Variants in AGMO observed in about 807,000 individuals in gnomAD.
The protein encoded by AGMO is glyceryl-ether monooxygenase.
A neutral mutation model predicts 60.2 loss-of-function variants in AGMO; 75 were observed. The ratio of observed to expected loss-of-function variants is 1.25; its 90% CI spans 1.03 to 1.51. The LOEUF (loss-of-function observed/expected upper bound fraction) is 1.51, where lower values mean the gene tolerates loss of function less well. Among genes scored for constraint, AGMO ranks in the 40% most tolerant of loss-of-function variants. The pLI, the probability that AGMO is intolerant of heterozygous loss-of-function variation, is 0.00. For missense variants in AGMO, 763 were observed against 525.5 expected (o/e 1.45, Z -4.42); for synonymous variants, 261 against 177.1 (o/e 1.47, Z -3.76).
intron 3 of AGMO, among the ~76,000 whole-genome samples, chr7:15,540,002 T>G (rs1784582078): frequency 6.6e-6 from 1 of 152,040 alleles, no homozygotes; most frequent in African/African-American, 2.4e-5. Flanking sequence ...CATTAGTAAC[T>G]TGAATAAGGA....
chr7:15,469,125 T>C (rs772503546), intron 3 of AGMO, among the ~76,000 whole-genome samples: 70 of 152,130 alleles, frequency 4.6e-4, no homozygotes, highest in Non-Finnish European at 5.3e-4. Flanking sequence ...TTGGTTTGTG[T>C]TGATAAGTTA....
At chr7:15,551,381 CCT>C (rs1366605054) in intron 2 of AGMO, among the ~76,000 whole-genome samples, 2 of 149,310 alleles carry the variant, frequency 1.3e-5, no homozygotes, top group South Asian at 4.3e-4. Context: ...TCAAATTGTC[CCT>C]GTTTGCAGAC....
At chr7:15,472,489 T>C (rs1782475144) in intron 3 of AGMO, among the ~76,000 whole-genome samples, 1 of 151,898 alleles carries the variant, frequency 6.6e-6, no homozygotes, top group Non-Finnish European at 1.5e-5. Flanking sequence ...CACAGTACTT[T>C]AGACCTGAAA....
At chr7:15,274,854 A>G (rs1583352332) in intron 12 of AGMO, among the ~76,000 whole-genome samples, 1 of 152,012 alleles carries the variant, frequency 6.6e-6, no homozygotes, top group Non-Finnish European at 1.5e-5. Context: ...AGATGTTTAT[A>G]ATAGTCTCTA....
At chr7:15,344,200 A>G (rs927783692) in intron 12 of AGMO, among the ~76,000 whole-genome samples, 1 of 152,322 alleles carries the variant, frequency 6.6e-6, no homozygotes, top group East Asian at 1.9e-4. Flanking sequence ...AAGGCACTCA[A>G]CAATATTTGT....
chr7:15,372,986 C>T (rs896107345), intron 10 of AGMO, among the ~76,000 whole-genome samples: 1 of 151,940 alleles, frequency 6.6e-6, no homozygotes, highest in African/African-American at 2.4e-5. Context: ...AGTTTCACTA[C>T]TGTGTGGTGG....
At chr7:15,466,348 A>C (rs889467487) in intron 3 of AGMO, among the ~76,000 whole-genome samples, 3 of 152,170 alleles carry the variant, frequency 2.0e-5, no homozygotes, top group African/African-American at 4.8e-5. Context: ...TGCTGCTCGT[A>C]AGCATTTTTT....
intron 6 of AGMO, among the ~76,000 whole-genome samples, chr7:15,391,551 A>C (rs12699710): frequency 0.27 from 41,244 of 152,072 alleles, 6,315 homozygotes; most frequent in Middle Eastern, 0.4. Context: ...TGTAAATCTT[A>C]AGAAAAAGAA....
intron 3 of AGMO, among the ~76,000 whole-genome samples, chr7:15,520,991 A>G (rs1462916354): frequency 6.6e-6 from 1 of 152,150 alleles, no homozygotes; most frequent in Admixed American, 6.5e-5. Context: ...AAACAGACAC[A>G]ATAAAAAAAT....
the AGMO span, among the ~76,000 whole-genome samples, chr7:15,185,369 G>C: frequency 6.6e-6 from 1 of 152,086 alleles, no homozygotes; most frequent in Non-Finnish European, 1.5e-5. Context: ...AGTACATTAG[G>C]TTTCAATTTT....
chr7:15,525,050 T>C (rs1229835896), intron 3 of AGMO, among the ~76,000 whole-genome samples: 1 of 152,070 alleles, frequency 6.6e-6, no homozygotes, highest in Non-Finnish European at 1.5e-5. Context: ...CCTTAAAAAC[T>C]GAATTCTTGG....
intron 12 of AGMO, among the ~76,000 whole-genome samples, chr7:15,315,615 C>T (rs1171186697): frequency 6.6e-6 from 1 of 152,000 alleles, no homozygotes; most frequent in Non-Finnish European, 1.5e-5. Context: ...AGCCACTGTG[C>T]CCAGCCATTT....
intron 12 of AGMO, 91 bp from the exon 13 acceptor site, chr7:15,201,450 T>G (rs1781278706): frequency 1.1e-6 from 1 of 892,722 alleles, no homozygotes; most frequent in African/African-American, 1.7e-5. Context: ...TAGAGGAAAA[T>G]GAACATGGAC....
intron 12 of AGMO, among the ~76,000 whole-genome samples, chr7:15,359,606 CAGTT>C (rs1184680721): frequency 3.9e-5 from 6 of 152,054 alleles, no homozygotes; most frequent in Non-Finnish European, 7.4e-5. Context: ...TCATACAACT[CAGTT>C]AGAAGCAAAG....
At chr7:15,376,850 T>G (rs1315998533) in intron 10 of AGMO, among the ~76,000 whole-genome samples, 3 of 152,082 alleles carry the variant, frequency 2.0e-5, no homozygotes, top group Non-Finnish European at 4.4e-5. Context: ...ATCACTAAAC[T>G]AAACACTATA....
intron 3 of AGMO, among the ~76,000 whole-genome samples, chr7:15,485,730 G>A (rs1229201683): frequency 6.6e-6 from 1 of 151,920 alleles, no homozygotes; most frequent in Admixed American, 6.6e-5. Flanking sequence ...ACGGTGCCCT[G>A]TTGATCATTA....
chr7:15,364,180 G>A (rs1236765845), intron 12 of AGMO, among the ~76,000 whole-genome samples: 4 of 151,714 alleles, frequency 2.6e-5, no homozygotes, highest in African/African-American at 4.8e-5. Context: ...AGTTTTAAAG[G>A]TATCAAAGAA....
intron 10 of AGMO, 105 bp downstream of exon 10, chr7:15,385,341 C>T (rs2128482967): frequency 1.4e-6 from 1 of 737,006 alleles, no homozygotes; most frequent in South Asian, 1.8e-5. Context: ...TTACAGCAGA[C>T]CACTACAGAG....
the AGMO span, among the ~76,000 whole-genome samples, chr7:15,144,781 T>C: frequency 6.6e-6 from 1 of 152,196 alleles, no homozygotes; most frequent in Non-Finnish European, 1.5e-5. Flanking sequence ...CTGTGTCTGA[T>C]TTCCAGTGGA....
Sources: gnomAD v4.1 joint callset for allele counts (sites outside exome capture counted in the v4.1 genomes callset) on GRCh38, gnomAD v4.1.1 for gene constraint, MANE v1.5 for transcripts, NCBI Gene and HGNC (gene_info 2026-07-23, HGNC 2026-07-21) for gene names.